The following VPS13A variants were observed in gnomAD, a reference collection of about 807,000 sequenced individuals.
The protein encoded by VPS13A is intermembrane lipid transfer protein VPS13A.
In VPS13A, 264 loss-of-function variants were observed where a neutral mutation model predicts 390.9. That is an observed-to-expected ratio of 0.68 (90% CI 0.61 to 0.75). The LOEUF (loss-of-function observed/expected upper bound fraction) is 0.75, where lower values mean the gene tolerates loss of function less well. Among genes scored for constraint, VPS13A ranks in the 30% least tolerant of loss-of-function variants. The probability of loss-of-function intolerance (pLI) is 0.00; values close to 1 mark genes in which losing one functional copy is unlikely to be tolerated. For missense variants in VPS13A, 3,409 were observed against 3,733.9 expected, an observed-to-expected ratio of 0.91 and a Z score of 2.27; for synonymous variants, 1,231 against 1,227.1, an observed-to-expected ratio of 1.00 and a Z score of -0.07.
chr9:77,275,170 C>T (rs893268151), intron 24 of VPS13A, among the ~76,000 whole-genome samples: 5 of 152,056 alleles, frequency 3.3e-5, no homozygotes, highest in African/African-American at 1.2e-4. Context: ...TAATCATCGG[C>T]ATTGGCATTT....
chr9:77,369,637 G>A (rs1360310150), intron 63 of VPS13A, among the ~76,000 whole-genome samples: 1 of 152,210 alleles, frequency 6.6e-6, no homozygotes, highest in South Asian at 2.1e-4. Context: ...AATTGTAAGT[G>A]TTCTCTTGGA....
chr9:77,305,102 C>A (rs1828651943), intron 34 of VPS13A, among the ~76,000 whole-genome samples: 1 of 152,088 alleles, frequency 6.6e-6, no homozygotes, highest in Admixed American at 6.5e-5. Flanking sequence ...CCGCGCCCGG[C>A]TAATTTTTTG....
chr9:77,253,776 G>A (rs1006292627), intron 22 of VPS13A, among the ~76,000 whole-genome samples: 1 of 151,644 alleles, frequency 6.6e-6, no homozygotes, highest in Non-Finnish European at 1.5e-5. Context: ...CTATGCTTTT[G>A]GTGTCATATC....
chr9:77,318,226 T>C lies in VPS13A; in HGVS notation c.4957-9T>C, dbSNP rs1564723854. On this transcript the variant is annotated splice_polypyrimidine_tract_variant and intron_variant, in intron 40 of 71. Transcript: ENST00000360280. Reference sequence around the variant, plus strand: ...TTTTGTATAGACTTATTAATTTTTTTCCATTTAGGTTTCACCAGTTATTAT... The same window carrying C: ...TTTTGTATAGACTTATTAATTTTTTCCCATTTAGGTTTCACCAGTTATTAT... The C allele has an allele frequency of 6.5e-7, 1 of 1,545,188 alleles. No homozygotes were observed. The highest frequency in any genetic ancestry group is 2.2e-5 in the East Asian group (1 of 44,452).
intron 68 of VPS13A, chr9:77,382,317 T>C (rs1587698676): frequency 1.3e-6 from 2 of 1,543,016 alleles, no homozygotes; most frequent in Non-Finnish European, 1.7e-6. Context: ...ATGCATGACT[T>C]TGCAAGTGAA....
chr9:77,206,757 T>C (rs1357598188), intron 5 of VPS13A, among the ~76,000 whole-genome samples: 1 of 152,164 alleles, frequency 6.6e-6, no homozygotes, highest in African/African-American at 2.4e-5. Context: ...AACCTAGTCA[T>C]CTGTTTATGT....
intron 19 of VPS13A, among the ~76,000 whole-genome samples, 170 bp downstream of exon 19, chr9:77,238,556 C>G (rs1393474913): frequency 6.6e-6 from 1 of 151,968 alleles, no homozygotes; most frequent in Non-Finnish European, 1.5e-5. Flanking sequence ...CAGATAAAAC[C>G]ATAATCATTT....
intron 3 of VPS13A, among the ~76,000 whole-genome samples, chr9:77,202,966 C>G (rs1825419110): frequency 6.6e-6 from 1 of 152,074 alleles, no homozygotes; most frequent in Admixed American, 6.5e-5. Flanking sequence ...ATCCTCACCA[C>G]TTAGCACATT....
chr9:77,315,614 G>A, intron 38 of VPS13A, 144 bp downstream of exon 38: 1 of 850,284 alleles, frequency 1.2e-6, no homozygotes, highest in Non-Finnish European at 1.8e-6. Context: ...AAACCTTAAT[G>A]TGTTTTCTTG....
intron 68 of VPS13A, 131 bp downstream of exon 68, chr9:77,382,218 A>G (rs1372833914): frequency 1.2e-5 from 16 of 1,375,706 alleles, no homozygotes; most frequent in Non-Finnish European, 1.5e-5. Context: ...TAAGTTTCTT[A>G]TATTTACTTA....
chr9:77,400,223 A>ATTTTTTTTTTTTTTTTTTTTTTTTT (rs34605855), intron 68 of VPS13A, among the ~76,000 whole-genome samples: 12 of 88,110 alleles, frequency 1.4e-4, no homozygotes, highest in African/African-American at 6.1e-4. Context: ...TATCAGTCAG[A>ATTTTTTTTTTTTTTTTTTTTTTTTT]TTTTTTTTTT....
chr9:77,412,510 T>C (rs1834985577), intron 71 of VPS13A, among the ~76,000 whole-genome samples: 1 of 152,200 alleles, frequency 6.6e-6, no homozygotes, highest in Admixed American at 6.5e-5. Flanking sequence ...ATTATCGCAA[T>C]ACATGCAGAA....
intron 45 of VPS13A, among the ~76,000 whole-genome samples, chr9:77,327,709 G>A (rs2131468091): frequency 6.6e-6 from 1 of 151,978 alleles, no homozygotes; most frequent in African/African-American, 2.4e-5. Flanking sequence ...CTTACTGGAT[G>A]AGATAATCTT....
chr9:77,366,699 T>C (rs770727007), intron 60 of VPS13A, 28 bp from the exon 61 acceptor site: 2 of 1,569,832 alleles, frequency 1.3e-6, no homozygotes, highest in African/African-American at 1.4e-5. Context: ...GAAAATACTT[T>C]TAAATATTTA....
At position 77,228,239 on chromosome 9, in the gene VPS13A, C is replaced by G. The variant is rs754380502; in HGVS notation, c.1570C>G (p.Gln524Glu). 1 of 1,600,180 alleles carries G rather than the reference C, an allele frequency of 6.2e-7. No individual in the cohort carries two copies. The highest frequency in any genetic ancestry group is 2.3e-5 in the East Asian group (1 of 44,380). ...VIEEFSTLIV[Q>E]RPGAQAIKFE... The stretch of plus-strand genomic sequence containing the variant: ...AGAAGAATTTAGCACCTTAATTGTG[C>G]AAAGACCAGGAGCACAAGCAATAAA... Residue 524 changes from glutamine (Q) to glutamate (E), a missense_variant, in exon 17 of 72, where the codon CAA becomes GAA. Gln to Glu is a conservative substitution (Grantham distance 29, BLOSUM62 2). Around this residue, in one of 5 missense-constraint regions of VPS13A, gnomAD observed 2,717 missense variants for 2,917.4 expected, o/e 0.93. Transcript: ENST00000360280.
At chr9:77,300,567 A>G (rs560819545) in intron 33 of VPS13A, among the ~76,000 whole-genome samples, 125 of 152,332 alleles carry the variant, frequency 8.2e-4, no homozygotes, top group South Asian at 2.9e-3. Flanking sequence ...CCCCATCTCC[A>G]CAAAAAATAC....
chr9:77,395,406 G>A (rs1332744103), intron 68 of VPS13A, among the ~76,000 whole-genome samples: 5 of 152,054 alleles, frequency 3.3e-5, no homozygotes, highest in Non-Finnish European at 7.4e-5. Flanking sequence ...CCTCAAAAAG[G>A]ACTATAAAAT....
At chr9:77,321,429 T>C (rs1803788949) in intron 43 of VPS13A, 62 bp from the exon 44 acceptor site, 1 of 1,598,338 alleles carries the variant, frequency 6.3e-7, no homozygotes, top group African/African-American at 1.3e-5. Flanking sequence ...TGTCCTTTAC[T>C]GTTCTCCTTG....
At position 77,316,259 on chromosome 9, in the gene VPS13A, T is replaced by A; in HGVS notation, c.4716T>A (p.Asn1572Lys). The change falls in exon 39 of 72, where the codon AAT (asparagine) becomes AAA (lysine). Residue 1572 changes from asparagine (N) to lysine (K), a missense_variant. Asn to Lys is a moderately conservative substitution (Grantham distance 94). Transcript: ENST00000360280. ...TGTTTGTAGCTGACATGACAAAAAA[T>A]GATGCTCCTGCTTTAGTCATTACAA... ...EIVFVADMTK[N>K]DAPALVITTQ... is the part of the protein sequence containing the mutation. The A allele has an allele frequency of 8.1e-6, 13 of 1,613,300 alleles. No individual in the cohort carries two copies. The highest frequency in any genetic ancestry group is 1.1e-5 in the Non-Finnish European group (13 of 1,179,448).
Sources: gnomAD v4.1 joint callset for allele counts (sites outside exome capture counted in the v4.1 genomes callset) on GRCh38, gnomAD v4.1.1 for gene constraint, gnomAD v4.1.1 regional missense constraint, MANE v1.5 for transcripts, NCBI Gene and HGNC (gene_info 2026-07-23, HGNC 2026-07-21) for gene names.